NPAS3: variants seen among roughly 807,000 people sequenced by gnomAD.
The protein encoded by NPAS3 is neuronal PAS domain-containing protein 3.
In NPAS3, 14 loss-of-function variants were observed where a neutral mutation model predicts 73.1. The observed-to-expected ratio is 0.19, with a 90% CI of 0.13 to 0.30. The LOEUF is 0.30. NPAS3 is among the 10% of genes least tolerant of loss of function. NPAS3 has a pLI of 1.00. For synonymous variants in NPAS3, 620 were observed against 541.5 expected (o/e 1.14, Z -2.01); for missense variants, 1,096 against 1,250.0 (o/e 0.88, Z 1.86).
chr14:33,362,457 C>A (rs1445936469), intron 3 of NPAS3, among the ~76,000 whole-genome samples: 2 of 152,190 alleles, frequency 1.3e-5, no homozygotes, highest in African/African-American at 4.8e-5. Flanking sequence ...AATTGAGATT[C>A]TTCAAGGGAA....
exon 4 of NPAS3, chr14:33,367,199 G>A: frequency 1.2e-6 from 1 of 863,862 alleles, no homozygotes; most frequent in South Asian, 1.3e-5. Context: ...TAGGTGCACA[G>A]CGAAGGAGAA....
At chr14:33,194,128 T>G (rs1212154625) in intron 2 of NPAS3, among the ~76,000 whole-genome samples, 2 of 152,234 alleles carry the variant, frequency 1.3e-5, no homozygotes, top group African/African-American at 2.4e-5. Context: ...TGGCTGGTAT[T>G]ATTTTTAAAA....
At position 33,560,227 on chromosome 14, in the gene NPAS3, T is replaced by C; in HGVS notation, c.558+17T>C. On this transcript the variant is annotated intron_variant, in intron 5 of 11. Transcript: ENST00000356141. Reference sequence around the variant, plus strand: ...CTCTCACAAGTAAGTAAAACAATTTTAGATTCTTGGCAGCGATTATGAAGC... The same window carrying C: ...CTCTCACAAGTAAGTAAAACAATTTCAGATTCTTGGCAGCGATTATGAAGC... The C allele has an allele frequency of 1.2e-6, 1 of 858,336 alleles. No homozygotes were observed. The highest frequency in any genetic ancestry group is 2.0e-6 in the Non-Finnish European group (1 of 493,150). 53.2% of individuals were successfully genotyped at this position (858,336 alleles called of 1,614,324 possible).
At chr14:33,013,977 A>T (rs574195615) in intron 1 of NPAS3, among the ~76,000 whole-genome samples, 108 of 152,318 alleles carry the variant, frequency 7.1e-4, no homozygotes, top group African/African-American at 2.4e-3. Flanking sequence ...CTGAAAAAAG[A>T]AATAAAACTA....
At chr14:33,166,358 C>T (rs977198679) in intron 2 of NPAS3, among the ~76,000 whole-genome samples, 2 of 152,262 alleles carry the variant, frequency 1.3e-5, no homozygotes, top group East Asian at 1.9e-4. Context: ...ATCCATGAAG[C>T]CTTCTAGTTT....
At chr14:33,693,260 T>G (rs2060282753) in intron 6 of NPAS3, among the ~76,000 whole-genome samples, 1 of 152,212 alleles carries the variant, frequency 6.6e-6, no homozygotes, top group Non-Finnish European at 1.5e-5. Context: ...AAATCTTGAA[T>G]TTTTACATGG....
chr14:33,077,734 A>C (rs1476772065), intron 2 of NPAS3, among the ~76,000 whole-genome samples: 1 of 133,154 alleles, frequency 7.5e-6, no homozygotes, highest in African/African-American at 2.7e-5. Context: ...AGTGTTTTAA[A>C]GTGAGTCAGT....
At chr14:33,434,109 T>C (rs1020119604) in intron 4 of NPAS3, among the ~76,000 whole-genome samples, 21 of 152,126 alleles carry the variant, frequency 1.4e-4, no homozygotes, top group Non-Finnish European at 2.5e-4. Context: ...GCAGAACCGC[T>C]TGAACCCAGG....
chr14:33,490,059 A>G (rs370163661), intron 4 of NPAS3, among the ~76,000 whole-genome samples: 3 of 152,138 alleles, frequency 2.0e-5, no homozygotes, highest in African/African-American at 7.2e-5. Context: ...ATATTCATGA[A>G]GTAGGATCTT....
intron 4 of NPAS3, among the ~76,000 whole-genome samples, chr14:33,465,345 T>G (rs530819303): frequency 6.6e-6 from 1 of 152,340 alleles, no homozygotes; most frequent in South Asian, 2.1e-4. Flanking sequence ...AGACGTTAAA[T>G]GCCTACTATG....
At chr14:32,941,121 TA>T (rs2035974453) in intron 1 of NPAS3, among the ~76,000 whole-genome samples, 1 of 152,108 alleles carries the variant, frequency 6.6e-6, no homozygotes, top group Admixed American at 6.5e-5. Flanking sequence ...GCAAGGATTT[TA>T]AAAATTATTT....
At chr14:33,373,109 A>C (rs1268128883) in intron 4 of NPAS3, among the ~76,000 whole-genome samples, 1 of 152,222 alleles carries the variant, frequency 6.6e-6, no homozygotes, top group African/African-American at 2.4e-5. Context: ...CATAAAATTA[A>C]CTACTGGAAT....
At chr14:33,595,779 T>C (rs1389744877) in intron 5 of NPAS3, among the ~76,000 whole-genome samples, 3 of 152,122 alleles carry the variant, frequency 2.0e-5, no homozygotes, top group African/African-American at 7.2e-5. Context: ...CACGCCATTC[T>C]CCTGCCTCAG....
At chr14:33,750,414 C>T (rs2140756080) in intron 7 of NPAS3, among the ~76,000 whole-genome samples, 1 of 152,258 alleles carries the variant, frequency 6.6e-6, no homozygotes, top group Non-Finnish European at 1.5e-5. Flanking sequence ...GAGGCATATG[C>T]TGACCCTAGA....
intron 4 of NPAS3, among the ~76,000 whole-genome samples, chr14:33,420,950 T>C (rs1024258696): frequency 6.6e-6 from 1 of 151,934 alleles, no homozygotes; most frequent in African/African-American, 2.4e-5. Context: ...GTGTCAGTCA[T>C]TGTGACAAGC....
intron 2 of NPAS3, among the ~76,000 whole-genome samples, chr14:33,122,446 C>T (rs140426198): frequency 2.0e-5 from 3 of 152,150 alleles, no homozygotes; most frequent in East Asian, 3.9e-4. Context: ...CCACATAAAT[C>T]GATGACATTT....
At chr14:33,369,404 C>CAAAAAAAAGAA (rs2045982270) in intron 4 of NPAS3, among the ~76,000 whole-genome samples, 1 of 90,890 alleles carries the variant, frequency 1.1e-5, no homozygotes, top group Non-Finnish European at 2.2e-5. Context: ...GCCTCATTTC[C>CAAAAAAAAGAA]AAAAAAAAAA....
chr14:33,798,862 G>A lies in NPAS3; in HGVS notation c.1427-872G>A, dbSNP rs577728692. ...AAATAAAACTAAAATATACAGTGAG[G>A]TGGCAGGGTGGCTCATGCCTGTAAT... On this transcript the variant is annotated intron_variant, in intron 11 of 11. Transcript: ENST00000356141. Among the ~76,000 whole-genome samples the A allele has an allele frequency of 4.0e-5, 6 of 151,802 alleles. No homozygotes were observed. In the East Asian group the frequency reaches 1.2e-3, roughly 29 times the overall value.
At chr14:33,097,116 G>T (rs770846165) in intron 2 of NPAS3, among the ~76,000 whole-genome samples, 1 of 152,016 alleles carries the variant, frequency 6.6e-6, no homozygotes, top group Non-Finnish European at 1.5e-5. Flanking sequence ...AGTGGTTCAT[G>T]CCTGTAATCC....
Sources: allele counts gnomAD v4.1 joint callset (sites outside exome capture counted in the v4.1 genomes callset), GRCh38; gene constraint gnomAD v4.1.1; transcripts MANE v1.5; gene names NCBI Gene and HGNC (gene_info 2026-07-23, HGNC 2026-07-21).